The following OCSTAMP variants were observed in gnomAD, a reference collection of about 807,000 sequenced individuals.
The protein encoded by OCSTAMP is osteoclast stimulatory transmembrane protein, also known as transmembrane protein C20orf123.
OCSTAMP carries 17 observed loss-of-function variants against 25.2 expected under a neutral mutation model. The ratio of observed to expected loss-of-function variants is 0.68; its 90% CI spans 0.46 to 1.01. The LOEUF (loss-of-function observed/expected upper bound fraction) is 1.01, where lower values mean the gene tolerates loss of function less well. Ranked by LOEUF, OCSTAMP falls within the 50% of genes least tolerant of loss-of-function variation. The pLI is 0.00. For missense variants in OCSTAMP, 664 were observed against 694.6 expected (o/e 0.96, Z 0.50); for synonymous variants, 345 against 318.9 (o/e 1.08, Z -0.87).
chr20:46,542,408 C>T (rs1429078270), intron 2 of OCSTAMP, among the ~76,000 whole-genome samples: 5 of 151,856 alleles, frequency 3.3e-5, no homozygotes, highest in South Asian at 2.1e-4. Flanking sequence ...GGTGAAATCC[C>T]GTCTCTACTA....
rs149558184 is a variant in OCSTAMP at position 46,548,348 on chromosome 20, G to A, written c.45-2019C>T. ...CTCCACCGGAGCAGGGACTTTGTCC[G>A]TTTTGGTCACTGATATGTCCCAAGT... On this transcript the variant is annotated intron_variant, in intron 1 of 2. Coordinates refer to ENST00000279028, the MANE Select transcript of OCSTAMP (RefSeq NM_080721.3). Among the ~76,000 whole-genome samples the A allele has an allele frequency of 8.9e-3, 1,348 of 152,272 alleles. 5 individuals carry two copies. The highest frequency in any genetic ancestry group is 0.012 in the Non-Finnish European group (825 of 68,038).
intron 2 of OCSTAMP, among the ~76,000 whole-genome samples, chr20:46,543,972 G>A (rs1352674070): frequency 1.3e-5 from 2 of 152,294 alleles, no homozygotes; most frequent in East Asian, 3.9e-4. Flanking sequence ...ACTTTGGGAG[G>A]CTGAGGTGAG....
intron 2 of OCSTAMP, among the ~76,000 whole-genome samples, chr20:46,542,234 C>T (rs1601101004): frequency 6.6e-6 from 1 of 152,272 alleles, no homozygotes; most frequent in East Asian, 1.9e-4. Context: ...ATGTCCTATT[C>T]CATCCAATAT....
At chr20:46,548,686 G>T (rs765265579) in intron 1 of OCSTAMP, among the ~76,000 whole-genome samples, 13 of 152,190 alleles carry the variant, frequency 8.5e-5, no homozygotes, top group Non-Finnish European at 1.3e-4. Flanking sequence ...GTTATAAAGG[G>T]CAGGGAGGGT....
In OCSTAMP at chr20:46,545,505, C is replaced by T; in HGVS notation, c.869G>A (p.Arg290Lys). 6.4e-7 allele frequency: 1 copy of T among 1,551,410 alleles called. No homozygotes were observed. Among genetic ancestry groups the T allele is most frequent in the South Asian group, 1.2e-5 (1 of 84,014 alleles). Residue 290 changes from arginine to lysine, a missense_variant, in exon 2 of 3, where the codon AGG (arginine) becomes AAG (lysine). Transcript: ENST00000279028. ...ACTCAACAGCTCCTCCTGTGACAGC[C>T]TCAGCTGAGCCGCCTGGAGCAGCCA... ...PTWLLQAAQLRLSQEELLSCL... is the reference protein window; with the variant it reads ...PTWLLQAAQLKLSQEELLSCL...
chr20:46,541,708 G>C lies in OCSTAMP; in HGVS notation c.1267C>G (p.Arg423Gly), dbSNP rs1279799487. The change falls in exon 3 of 3, where the codon CGC (arginine) becomes GGC (glycine). Residue 423 changes from arginine to glycine, a missense_variant. By Grantham distance (125) the Arg-to-Gly change is moderately radical. Transcript: ENST00000279028. ...GSTVLLEAYA[R>G]RLRHAIAASF... The stretch of plus-strand genomic sequence containing the variant: ...GCGGCGATGGCATGCCGCAGGCGGC[G>C]GGCGTAGGCCTCCAGGAGCACCGTG... The C allele has an allele frequency of 4.5e-6, 7 of 1,548,636 alleles. No homozygotes were observed. The highest frequency in any genetic ancestry group is 2.7e-5 in the African/African-American group (2 of 73,030).
chr20:46,548,969 G>C (rs79335285), intron 1 of OCSTAMP, among the ~76,000 whole-genome samples: 3,205 of 152,288 alleles, frequency 0.021, 74 homozygotes, highest in East Asian at 0.068. Context: ...CCACCATGTA[G>C]TATGAGTCGG....
chr20:46,543,868 T>A (rs2146052704), intron 2 of OCSTAMP, among the ~76,000 whole-genome samples: 1 of 152,258 alleles, frequency 6.6e-6, no homozygotes, highest in Admixed American at 6.5e-5. Flanking sequence ...GGGAACATGC[T>A]TAGAACATTG....
chr20:46,542,071 C>T (rs760135984), intron 2 of OCSTAMP, 144 bp from the exon 3 acceptor site: 615 of 1,220,822 alleles, frequency 5.0e-4, no homozygotes, highest in Non-Finnish European at 6.2e-4. Flanking sequence ...GAGGAGGACC[C>T]AATGAGACTA....
chr20:46,541,005 A>G lies in OCSTAMP; in HGVS notation c.*269T>C. ...CTGGCAATGGAAAGGCCCTGAAGGA[A>G]TTTGAGGCAGAGGAATAACGTAATC... is the stretch of plus-strand genomic sequence containing the variant. On this transcript the variant is annotated 3_prime_UTR_variant, in exon 3 of 3. Transcript: ENST00000279028. 5.4e-6 allele frequency: 2 copies of G among 371,070 alleles called. No individual in the cohort carries two copies. The highest frequency in any genetic ancestry group is 9.8e-6 in the Non-Finnish European group (2 of 204,804). The allele number at this position is 371,070 out of a possible 1,614,324, so 23.0% of individuals were successfully genotyped here. A position where few individuals can be genotyped will look rare whatever the true frequency, so the allele number is the denominator to read the frequency against.
At position 46,545,828 on chromosome 20, in the gene OCSTAMP, G is replaced by A. The variant is rs1043119765; in HGVS notation, c.546C>T (p.Ser182=). 1.3e-6 allele frequency: 2 copies of A among 1,551,152 alleles called. No homozygotes were observed. Among genetic ancestry groups the A allele is most frequent in the African/African-American group, 2.7e-5 (2 of 73,070 alleles). Residue 182 remains serine (S), a synonymous_variant, in exon 2 of 3, where the codon AGC becomes AGT. Transcript: ENST00000279028. ...RALGPTGQAG[S]RGLTFEAQDN... ...CCTGGGCCTCAAATGTCAGGCCCCG[G>A]CTGCCTGCCTGGCCTGTGGGGCCCA...
At chr20:46,547,128 G>C (rs1445859516) in intron 1 of OCSTAMP, among the ~76,000 whole-genome samples, 1 of 152,122 alleles carries the variant, frequency 6.6e-6, no homozygotes, top group Non-Finnish European at 1.5e-5. Flanking sequence ...TTGTGTCTGA[G>C]CAACTGGAAG....
rs1353270004 is a variant in OCSTAMP at position 46,541,506 on chromosome 20, C to T, written c.1469G>A (p.Arg490Lys). ...AWIDYRLDAL[R>K]TESSEGEGKE... ...CCCTTCTCCCTCACTGCTCTCGGTT[C>T]TTAAGGCATCCAGCCTGTAGTCTAT... The change falls in exon 3 of 3, where the codon AGA (arginine) becomes AAA (lysine). Residue 490 changes from arginine to lysine, a missense_variant. By Grantham distance (26) the Arg-to-Lys change is conservative. Coordinates refer to ENST00000279028, the MANE Select transcript of OCSTAMP (RefSeq NM_080721.3). 2 of 1,551,744 alleles carry T rather than the reference C, an allele frequency of 1.3e-6. No individual in the cohort carries two copies. The highest frequency in any genetic ancestry group is 4.9e-5 in the East Asian group (2 of 40,930).
rs1297472262 is a variant in OCSTAMP at position 46,547,893 on chromosome 20, T to C, written c.45-1564A>G. On this transcript the variant is annotated intron_variant, in intron 1 of 2. Coordinates refer to ENST00000279028, the MANE Select transcript of OCSTAMP (RefSeq NM_080721.3). ...GGAGATCTCATCGAGAGGGGAGACA[T>C]TGACAAAGGGGAGACTCCCTGGAGT... 2.6e-5 allele frequency among the ~76,000 whole-genome samples: 4 copies of C among 151,992 alleles called. 1 individual carries two copies. The highest frequency in any genetic ancestry group is 4.2e-4 in the South Asian group (2 of 4,806).
At chr20:46,549,089 C>T (rs940537540) in intron 1 of OCSTAMP, among the ~76,000 whole-genome samples, 3 of 152,122 alleles carry the variant, frequency 2.0e-5, no homozygotes, top group Admixed American at 6.5e-5. Flanking sequence ...AAATCTATGC[C>T]GGACCACACA....
At chr20:46,543,752 T>C (rs1438803984) in intron 2 of OCSTAMP, among the ~76,000 whole-genome samples, 1 of 152,194 alleles carries the variant, frequency 6.6e-6, no homozygotes, top group Admixed American at 6.5e-5. Context: ...AAGAAAGCAT[T>C]GTGTCAAGGT....
At chr20:46,543,287 CTTT>C (rs2061840740) in intron 2 of OCSTAMP, among the ~76,000 whole-genome samples, 1 of 105,850 alleles carries the variant, frequency 9.4e-6, no homozygotes, top group Non-Finnish European at 1.9e-5. Flanking sequence ...CTTTCTCTTT[CTTT>C]CTCTCTTTCT....
At chr20:46,548,729 C>T (rs761723778) in intron 1 of OCSTAMP, among the ~76,000 whole-genome samples, 1 of 152,170 alleles carries the variant, frequency 6.6e-6, no homozygotes, top group Non-Finnish European at 1.5e-5. Flanking sequence ...TGGTTACAGG[C>T]AAAGCTGCTG....
At chr20:46,548,040 A>G (rs1378741369) in intron 1 of OCSTAMP, among the ~76,000 whole-genome samples, 1 of 152,192 alleles carries the variant, frequency 6.6e-6, no homozygotes, top group African/African-American at 2.4e-5. Context: ...AAATAGGTAC[A>G]GATGATGGCG....
Sources: allele counts gnomAD v4.1 joint callset (sites outside exome capture counted in the v4.1 genomes callset), GRCh38; gene constraint gnomAD v4.1.1; transcripts MANE v1.5; gene names NCBI Gene and HGNC (gene_info 2026-07-23, HGNC 2026-07-21).